The following ZNF804B variants were observed in gnomAD, a reference collection of about 807,000 sequenced individuals.
ZNF804B encodes zinc finger protein 804B.
In ZNF804B, 80 loss-of-function variants were observed where a neutral mutation model predicts 101.4. The observed-to-expected ratio is 0.79, with a 90% CI of 0.66 to 0.95. The LOEUF is 0.95. Among genes scored for constraint, ZNF804B ranks in the 40% least tolerant of loss-of-function variants. ZNF804B has a pLI of 0.00. For missense variants in ZNF804B, 1,673 were observed against 1,561.9 expected, an observed-to-expected ratio of 1.07 and a Z score of -1.20; for synonymous variants, 622 against 558.8, an observed-to-expected ratio of 1.11 and a Z score of -1.59.
chr7:89,270,371 G>C (rs1261405403), intron 2 of ZNF804B, among the ~76,000 whole-genome samples: 5 of 152,284 alleles, frequency 3.3e-5, no homozygotes, highest in African/African-American at 9.6e-5. Context: ...AGAGCAGATG[G>C]TTGTAGATGG....
Position 88,760,091 on chromosome 7 carries a change from T to TGC in ZNF804B, c.108+14_108+15dup. On this transcript the variant is annotated splice_region_variant and intron_variant, in intron 1 of 3. Coordinates refer to ENST00000333190, the MANE Select transcript of ZNF804B (RefSeq NM_181646.5). ...GAACGGATCTCCCTCTCCGGTAATG[T>TGC]GCGCGCGCACACACATACATACACA... The TGC allele has an allele frequency of 6.2e-7, 1 of 1,611,022 alleles. No homozygotes were observed. The highest frequency in any genetic ancestry group is 1.1e-5 in the South Asian group (1 of 91,002).
In ZNF804B at chr7:88,821,795, A is replaced by G. The variant is rs570477996; in HGVS notation, c.108+61711A>G. Among the ~76,000 whole-genome samples the G allele has an allele frequency of 2.0e-5, 3 of 152,304 alleles. No homozygotes were observed. In the South Asian group the frequency reaches 6.2e-4, roughly 32 times the overall value. ...TCAGTTATTATTCAGCTCACGTAAC[A>G]TAGTTCATCTTATATATGTAGCATT... On this transcript the variant is annotated intron_variant, in intron 1 of 3. Coordinates refer to ENST00000333190, the MANE Select transcript of ZNF804B (RefSeq NM_181646.5).
At chr7:89,134,154 A>G (rs549880620) in intron 1 of ZNF804B, among the ~76,000 whole-genome samples, 2 of 152,248 alleles carry the variant, frequency 1.3e-5, no homozygotes, top group South Asian at 4.1e-4. Context: ...AATCTATTTC[A>G]ATACATGTTT....
chr7:89,076,736 C>A (rs1049325697), intron 1 of ZNF804B, among the ~76,000 whole-genome samples: 5 of 151,772 alleles, frequency 3.3e-5, no homozygotes, highest in Admixed American at 3.3e-4. Flanking sequence ...GATGTTATAC[C>A]AGAACTATTG....
chr7:88,843,723 C>T (rs368384852), intron 1 of ZNF804B, among the ~76,000 whole-genome samples: 13 of 151,774 alleles, frequency 8.6e-5, no homozygotes, highest in African/African-American at 2.4e-4. Flanking sequence ...GCTGACAGAG[C>T]GAGACTCTGT....
intron 1 of ZNF804B, among the ~76,000 whole-genome samples, chr7:89,176,623 TG>T (rs1791328009): frequency 1.4e-5 from 2 of 142,894 alleles, no homozygotes; most frequent in Non-Finnish European, 1.5e-5. Context: ...TTTCCTTGCC[TG>T]GTTTTGGTAT....
At chr7:88,762,847 A>C (rs749710180) in intron 1 of ZNF804B, among the ~76,000 whole-genome samples, 5 of 152,146 alleles carry the variant, frequency 3.3e-5, no homozygotes, top group Non-Finnish European at 7.4e-5. Context: ...TAAGATTTCC[A>C]ATACTTCAAC....
At chr7:89,096,999 C>T (rs1789980136) in intron 1 of ZNF804B, among the ~76,000 whole-genome samples, 1 of 152,162 alleles carries the variant, frequency 6.6e-6, no homozygotes, top group Non-Finnish European at 1.5e-5. Flanking sequence ...TCCTTAATCT[C>T]TGCTTATCCA....
chr7:88,899,664 C>T (rs1029106593), intron 1 of ZNF804B, among the ~76,000 whole-genome samples: 1 of 152,088 alleles, frequency 6.6e-6, no homozygotes, highest in Non-Finnish European at 1.5e-5. Flanking sequence ...CTTCTCATTA[C>T]TTCTGGAATC....
At chr7:89,186,611 C>CAT (rs1361028923) in intron 1 of ZNF804B, among the ~76,000 whole-genome samples, 1 of 149,440 alleles carries the variant, frequency 6.7e-6, no homozygotes, top group Non-Finnish European at 1.5e-5. Flanking sequence ...TTAAGTGTTA[C>CAT]TTTTTTTTTT....
intron 1 of ZNF804B, among the ~76,000 whole-genome samples, chr7:88,840,013 C>G (rs145589092): frequency 6.6e-5 from 10 of 152,248 alleles, no homozygotes; most frequent in African/African-American, 2.4e-4. Context: ...TCTGAAAGCT[C>G]TGGTTCTTGT....
chr7:88,797,668 C>G (rs981361804), intron 1 of ZNF804B, among the ~76,000 whole-genome samples: 2 of 152,090 alleles, frequency 1.3e-5, no homozygotes, highest in African/African-American at 4.8e-5. Flanking sequence ...TCAAACTAGT[C>G]TTTTATACAC....
chr7:88,828,684 C>T (rs997603971), intron 1 of ZNF804B, among the ~76,000 whole-genome samples: 5 of 152,110 alleles, frequency 3.3e-5, no homozygotes, highest in African/African-American at 1.2e-4. Context: ...AAATGGATAA[C>T]AGTTTAAAAT....
At chr7:89,092,389 T>C (rs1789904954) in intron 1 of ZNF804B, among the ~76,000 whole-genome samples, 1 of 147,836 alleles carries the variant, frequency 6.8e-6, no homozygotes, top group Non-Finnish European at 1.5e-5. Context: ...TACTCTAACA[T>C]TGATTTCTTT....
chr7:89,019,008 T>C (rs1198138425), intron 1 of ZNF804B, among the ~76,000 whole-genome samples: 1 of 152,062 alleles, frequency 6.6e-6, no homozygotes, highest in South Asian at 2.1e-4. Flanking sequence ...AGCCTTCTCA[T>C]TTCATTCTAC....
At chr7:88,924,839 C>T (rs989051037) in intron 1 of ZNF804B, among the ~76,000 whole-genome samples, 1 of 151,716 alleles carries the variant, frequency 6.6e-6, no homozygotes, top group Non-Finnish European at 1.5e-5. Flanking sequence ...TACTTTGTGC[C>T]CCCGCACACC....
intron 1 of ZNF804B, among the ~76,000 whole-genome samples, chr7:89,068,834 G>A (rs1217238283): frequency 6.6e-6 from 1 of 152,108 alleles, no homozygotes; most frequent in Non-Finnish European, 1.5e-5. Context: ...GGACTGTGAG[G>A]GACAAGACAC....
At chr7:88,824,417 A>G (rs964439115) in intron 1 of ZNF804B, among the ~76,000 whole-genome samples, 1 of 152,116 alleles carries the variant, frequency 6.6e-6, no homozygotes, top group African/African-American at 2.4e-5. Flanking sequence ...TGTTCCTTCC[A>G]CCATGATTGT....
chr7:88,911,361 A>G (rs1003578155), intron 1 of ZNF804B, among the ~76,000 whole-genome samples: 6 of 151,208 alleles, frequency 4.0e-5, no homozygotes, highest in African/African-American at 1.5e-4. Context: ...CCTACACTCT[A>G]CCATTCAAAT....
Sources: allele counts gnomAD v4.1 joint callset (sites outside exome capture counted in the v4.1 genomes callset), GRCh38; gene constraint gnomAD v4.1.1; transcripts MANE v1.5; gene names NCBI Gene and HGNC (gene_info 2026-07-23, HGNC 2026-07-21).